PPP1R1C: variants seen among roughly 807,000 people sequenced by gnomAD.
PPP1R1C encodes the protein protein phosphatase 1 regulatory subunit 1C.
PPP1R1C carries 15 observed loss-of-function variants against 17.4 expected under a neutral mutation model. The observed-to-expected ratio is 0.86, with a 90% confidence interval of 0.58 to 1.33. The LOEUF is 1.33. Ranked by LOEUF, PPP1R1C falls within the 40% of genes most tolerant of loss-of-function variation. PPP1R1C has a pLI of 0.00. For synonymous variants in PPP1R1C, 35 were observed against 43.1 expected (o/e 0.81, Z 0.73); for missense variants, 143 against 130.0 (o/e 1.10, Z -0.48).
intron 2 of PPP1R1C, among the ~76,000 whole-genome samples, chr2:182,039,272 T>A (rs943385001): frequency 6.6e-6 from 1 of 152,216 alleles, no homozygotes; most frequent in Admixed American, 6.5e-5. Context: ...ATAATTTTGA[T>A]TGAAAGTGTC....
At chr2:182,082,776 G>A (rs911143312) in intron 4 of PPP1R1C, among the ~76,000 whole-genome samples, 20 of 152,110 alleles carry the variant, frequency 1.3e-4, no homozygotes, top group African/African-American at 4.8e-4. Flanking sequence ...CAGGCAGAAA[G>A]GGCATCCTTT....
chr2:182,073,768 G>A (rs138376476), intron 4 of PPP1R1C, among the ~76,000 whole-genome samples: 1 of 152,216 alleles, frequency 6.6e-6, no homozygotes, highest in Non-Finnish European at 1.5e-5. Flanking sequence ...AAGAGGGTTT[G>A]GCAGACCTGA....
chr2:182,044,879 T>C (rs759264977), intron 2 of PPP1R1C, among the ~76,000 whole-genome samples: 1 of 152,230 alleles, frequency 6.6e-6, no homozygotes, highest in African/African-American at 2.4e-5. Flanking sequence ...AATGTGTTTT[T>C]ATTCTATTTT....
chr2:181,961,724 G>A lies in PPP1R1C; in HGVS notation n.111+7090G>A, dbSNP rs188078460. ...CGAGTCAGCTCATCATATTGGGCCCGGATATCTGCTATGATCTTGGCAAGG... is the reference window on the plus strand; with the variant it reads ...CGAGTCAGCTCATCATATTGGGCCCAGATATCTGCTATGATCTTGGCAAGG... On this transcript the variant is annotated intron_variant and non_coding_transcript_variant, in intron 1 of 5. Coordinates refer to the PPP1R1C transcript ENST00000464264. The surrounding 1 kb of genome is among the most constrained non-coding windows in gnomAD (Gnocchi z 5.8). 165 of 851,046 alleles carry A rather than the reference G, an allele frequency of 1.9e-4. No individual in the cohort carries two copies. In the African/African-American group the frequency reaches 2.3e-3, roughly 12 times the overall value. 52.7% of individuals were successfully genotyped at this position (851,046 alleles called of 1,614,324 possible). A position where few individuals can be genotyped will look rare whatever the true frequency, so the allele number is the denominator to read the frequency against.
At chr2:182,070,419 C>G (rs949413485) in intron 4 of PPP1R1C, among the ~76,000 whole-genome samples, 2 of 152,206 alleles carry the variant, frequency 1.3e-5, no homozygotes, top group Non-Finnish European at 1.5e-5. Flanking sequence ...ATTTGAAGCC[C>G]TTGTTCATTT....
In PPP1R1C at chr2:181,962,432, A is replaced by G. The variant is rs890208486; in HGVS notation, n.111+7798A>G. ...GTAGTTGGACACCTGGACAGAGCCC[A>G]GGAACAGGTAGTTGGTGGAGAAGAT... On this transcript the variant is annotated intron_variant and non_coding_transcript_variant, in intron 1 of 5. Transcript: ENST00000464264. This position sits in a 1 kb window ranked among gnomAD's most constrained non-coding sequence, Gnocchi z 6.0. 1.3e-5 allele frequency: 9 copies of G among 708,754 alleles called. No individual in the cohort carries two copies. The highest frequency in any genetic ancestry group is 2.1e-5 in the Non-Finnish European group (8 of 383,678). 43.9% of individuals were successfully genotyped at this position (708,754 alleles called of 1,614,324 possible). A position where few individuals can be genotyped will look rare whatever the true frequency, so the allele number is the denominator to read the frequency against.
chr2:182,126,137 A>G (rs530217373), intron 5 of PPP1R1C, among the ~76,000 whole-genome samples: 2 of 152,234 alleles, frequency 1.3e-5, no homozygotes, highest in African/African-American at 2.4e-5. Context: ...AGATTTATGC[A>G]TTCATAAATA....
At chr2:182,123,318 T>G (rs780601451) in intron 5 of PPP1R1C, among the ~76,000 whole-genome samples, 1 of 152,318 alleles carries the variant, frequency 6.6e-6, no homozygotes, top group African/African-American at 2.4e-5. Flanking sequence ...AACATACGTG[T>G]GCGTGTGTCT....
chr2:181,972,863 A>G (rs1417219150), intron 1 of PPP1R1C, among the ~76,000 whole-genome samples: 2 of 152,130 alleles, frequency 1.3e-5, no homozygotes, highest in Non-Finnish European at 2.9e-5. Context: ...ATGACTCATT[A>G]TTTGTACTGG....
At chr2:182,088,148 C>G (rs905141975) in intron 4 of PPP1R1C, among the ~76,000 whole-genome samples, 2 of 152,142 alleles carry the variant, frequency 1.3e-5, no homozygotes, top group Non-Finnish European at 2.9e-5. Flanking sequence ...ACATCCATTT[C>G]CCATCTGCAG....
At chr2:182,076,197 C>CTTTTCTTTTTTTTTTT (rs1688299165) in intron 4 of PPP1R1C, among the ~76,000 whole-genome samples, 1 of 25,850 alleles carries the variant, frequency 3.9e-5, no homozygotes, top group Non-Finnish European at 6.0e-5. Context: ...TTTTTCTTTT[C>CTTTTCTTTTTTTTTTT]TTTTTTTTTT....
At position 182,014,319 on chromosome 2, in the gene PPP1R1C, T is replaced by C. The variant is rs530385914; in HGVS notation, c.142+26420T>C. Among the ~76,000 whole-genome samples the C allele has an allele frequency of 2.0e-5, 3 of 152,350 alleles. No individual in the cohort carries two copies. The East Asian group carries it at 5.8e-4, about 29-fold the overall frequency. Reference sequence around the variant, plus strand: ...TCATAGAGGTACTGCCTTGGGGGTCTTGTTAAAATCTGAGGGACTTTCCTA... The same window carrying C: ...TCATAGAGGTACTGCCTTGGGGGTCCTGTTAAAATCTGAGGGACTTTCCTA... On this transcript the variant is annotated intron_variant, in intron 2 of 4. Transcript: ENST00000682840.
exon 6 of PPP1R1C, chr2:182,129,137 C>A (rs1689945258): frequency 6.6e-6 from 1 of 152,108 alleles, no homozygotes; most frequent in Non-Finnish European, 1.5e-5. Context: ...ATATTTTATA[C>A]ATAAGTATTG....
intron 2 of PPP1R1C, among the ~76,000 whole-genome samples, chr2:182,041,609 C>CA (rs71405472): frequency 0.061 from 3,466 of 56,910 alleles, 106 homozygotes; most frequent in Middle Eastern, 0.089. Context: ...GACTCTGTCT[C>CA]AAAAAAAAAA....
At chr2:182,025,966 T>C (rs1686596299) in intron 2 of PPP1R1C, among the ~76,000 whole-genome samples, 2 of 144,306 alleles carry the variant, frequency 1.4e-5, no homozygotes, top group African/African-American at 2.7e-5. Flanking sequence ...CCAGTGATGA[T>C]GAGCATTTTT....
chr2:182,116,458 CAT>C (rs1006420766), intron 4 of PPP1R1C, among the ~76,000 whole-genome samples: 6 of 152,026 alleles, frequency 3.9e-5, no homozygotes, highest in African/African-American at 1.4e-4. Flanking sequence ...GGGAGATTAT[CAT>C]GTGTGTGTGT....
intron 2 of PPP1R1C, among the ~76,000 whole-genome samples, chr2:182,044,771 T>C (rs1687291932): frequency 6.6e-6 from 1 of 152,206 alleles, no homozygotes; most frequent in African/African-American, 2.4e-5. Context: ...TGCAATAAAT[T>C]ATTGTTAAAA....
intron 5 of PPP1R1C, among the ~76,000 whole-genome samples, chr2:182,126,619 G>T (rs1363807790): frequency 6.6e-6 from 1 of 151,976 alleles, no homozygotes; most frequent in African/African-American, 2.4e-5. Context: ...CAGCAATGCA[G>T]CATTGTCCTG....
intron 4 of PPP1R1C, among the ~76,000 whole-genome samples, chr2:182,100,026 T>C (rs1001758670): frequency 5.3e-5 from 8 of 152,330 alleles, no homozygotes; most frequent in Admixed American, 3.9e-4. Context: ...ACCTCAGTTG[T>C]GGTACCGAGT....
Sources: allele counts gnomAD v4.1 joint callset (sites outside exome capture counted in the v4.1 genomes callset), GRCh38; gene constraint gnomAD v4.1.1; non-coding constraint Gnocchi (gnomAD v3.1); transcripts MANE v1.5; gene names NCBI Gene and HGNC (gene_info 2026-07-23, HGNC 2026-07-21).